CDH13: variants seen among roughly 807,000 people sequenced by gnomAD.
CDH13 encodes cadherin-13.
CDH13 carries 24 observed loss-of-function variants against 63.8 expected under a neutral mutation model. The observed-to-expected ratio is 0.38, with a 90% CI of 0.27 to 0.53. The LOEUF (loss-of-function observed/expected upper bound fraction) is 0.53. CDH13 is among the 20% of genes least tolerant of loss of function. The pLI is 0.85. For synonymous variants in CDH13, 503 were observed against 355.3 expected (o/e 1.42, Z -4.67); for missense variants, 1,049 against 903.1 (o/e 1.16, Z -2.07).
At chr16:82,701,503 A>T (rs2031017607) in intron 1 of CDH13, among the ~76,000 whole-genome samples, 1 of 152,192 alleles carries the variant, frequency 6.6e-6, no homozygotes, top group Admixed American at 6.5e-5. Context: ...TGTTTAGTAG[A>T]TTGCACAACT....
chr16:83,670,543 G>A (rs531726728), intron 8 of CDH13, among the ~76,000 whole-genome samples: 1 of 152,272 alleles, frequency 6.6e-6, no homozygotes, highest in South Asian at 2.1e-4. Context: ...CCACCACAGA[G>A]CAGCACAGCA....
At chr16:83,604,829 A>G (rs1329254743) in intron 8 of CDH13, among the ~76,000 whole-genome samples, 2 of 152,234 alleles carry the variant, frequency 1.3e-5, no homozygotes, top group Admixed American at 6.5e-5. Flanking sequence ...TGTGAGATTA[A>G]TTAGTTACTT....
At chr16:83,633,287 T>G (rs1419503270) in intron 8 of CDH13, among the ~76,000 whole-genome samples, 1 of 152,210 alleles carries the variant, frequency 6.6e-6, no homozygotes, top group East Asian at 1.9e-4. Flanking sequence ...TGACAGATAC[T>G]GCATCCATGA....
intron 5 of CDH13, among the ~76,000 whole-genome samples, chr16:83,292,347 C>T (rs2089485285): frequency 6.6e-6 from 1 of 152,126 alleles, no homozygotes; most frequent in Admixed American, 6.5e-5. Context: ...TCTGGGCCTC[C>T]CTGTCCTCTG....
chr16:83,136,807 G>A (rs1236826141), intron 4 of CDH13, among the ~76,000 whole-genome samples: 1 of 152,154 alleles, frequency 6.6e-6, no homozygotes, highest in East Asian at 1.9e-4. Flanking sequence ...CAGATTCGTA[G>A]GAGTGGTCTG....
intron 3 of CDH13, among the ~76,000 whole-genome samples, chr16:83,049,578 G>C (rs138097870): frequency 1.3e-5 from 2 of 151,878 alleles, no homozygotes; most frequent in South Asian, 2.1e-4. Flanking sequence ...CTCGTGATCC[G>C]CCTGCCTCAG....
intron 1 of CDH13, among the ~76,000 whole-genome samples, chr16:82,711,785 A>T (rs2057870457): frequency 6.6e-6 from 1 of 152,244 alleles, no homozygotes; most frequent in Non-Finnish European, 1.5e-5. Context: ...GGTGATAAGG[A>T]CAACCGGTGA....
intron 8 of CDH13, among the ~76,000 whole-genome samples, chr16:83,668,626 G>A (rs1169210425): frequency 6.6e-6 from 1 of 152,232 alleles, no homozygotes; most frequent in Non-Finnish European, 1.5e-5. Flanking sequence ...CGCAGCAAGA[G>A]GGTGAAGGAA....
At chr16:82,813,544 C>G (rs1428636343) in intron 1 of CDH13, among the ~76,000 whole-genome samples, 1 of 152,074 alleles carries the variant, frequency 6.6e-6, no homozygotes, top group Non-Finnish European at 1.5e-5. Context: ...TATGAGCTAC[C>G]TGGGGTTAAG....
intron 2 of CDH13, among the ~76,000 whole-genome samples, chr16:82,901,703 A>G (rs1433980529): frequency 1.3e-5 from 2 of 152,212 alleles, no homozygotes; most frequent in East Asian, 3.8e-4. Context: ...GGGCTGCGGC[A>G]TGTGCTAGGT....
chr16:83,446,046 C>T (rs888340466), intron 6 of CDH13, among the ~76,000 whole-genome samples: 3 of 152,016 alleles, frequency 2.0e-5, no homozygotes, highest in African/African-American at 7.3e-5. Context: ...GGTCTGTAAT[C>T]CCAGCACTTT....
At position 83,059,984 on chromosome 16, in the gene CDH13, C is replaced by T. The variant is rs185530140; in HGVS notation, c.366+27766C>T. ...AATATTTTTGTATTTAGAGTAGAGACGGGGTTTCACCGTGTTAGCCAGGGT... is the reference window on the plus strand; with the variant it reads ...AATATTTTTGTATTTAGAGTAGAGATGGGGTTTCACCGTGTTAGCCAGGGT... On this transcript the variant is annotated intron_variant, in intron 3 of 13. Transcript: ENST00000567109. 8.6e-5 allele frequency among the ~76,000 whole-genome samples: 13 copies of T among 151,746 alleles called. No homozygotes were observed. The East Asian group carries it at 2.3e-3, about 27-fold the overall frequency.
chr16:83,546,337 G>A (rs1164744357), intron 7 of CDH13, among the ~76,000 whole-genome samples: 1 of 151,968 alleles, frequency 6.6e-6, no homozygotes, highest in Non-Finnish European at 1.5e-5. Context: ...GCAGCAGATA[G>A]CCACAGGTGA....
At chr16:82,940,582 C>T (rs949943071) in intron 2 of CDH13, among the ~76,000 whole-genome samples, 2 of 152,178 alleles carry the variant, frequency 1.3e-5, no homozygotes, top group African/African-American at 2.4e-5. Flanking sequence ...CTGGATTCTT[C>T]TTACCTGCTT....
intron 3 of CDH13, among the ~76,000 whole-genome samples, chr16:83,069,261 A>G (rs1166372604): frequency 6.6e-6 from 1 of 152,186 alleles, no homozygotes; most frequent in African/African-American, 2.4e-5. Flanking sequence ...TCTAACACCA[A>G]TCAGTATTCA....
At chr16:83,313,674 C>T (rs868528830) in intron 5 of CDH13, among the ~76,000 whole-genome samples, 1 of 148,750 alleles carries the variant, frequency 6.7e-6, no homozygotes. Flanking sequence ...AAAGGGAGGT[C>T]CTTGGTATTA....
chr16:82,630,919 T>C (rs918065042), intron 1 of CDH13, among the ~76,000 whole-genome samples: 10 of 152,216 alleles, frequency 6.6e-5, no homozygotes, highest in African/African-American at 2.4e-4. Flanking sequence ...ATCCACAGCA[T>C]TACAAAATTC....
At chr16:82,881,864 C>G (rs1352852315) in intron 2 of CDH13, among the ~76,000 whole-genome samples, 1 of 152,102 alleles carries the variant, frequency 6.6e-6, no homozygotes, top group Non-Finnish European at 1.5e-5. Context: ...CTTTCCAGAG[C>G]TCACCCCTTT....
intron 4 of CDH13, among the ~76,000 whole-genome samples, chr16:83,168,971 C>A (rs1240376481): frequency 1.3e-5 from 2 of 152,174 alleles, no homozygotes; most frequent in East Asian, 3.9e-4. Context: ...CTGTGAGGAC[C>A]ATTCAGGTAC....
Sources: gnomAD v4.1 joint callset for allele counts (sites outside exome capture counted in the v4.1 genomes callset) on GRCh38, gnomAD v4.1.1 for gene constraint, MANE v1.5 for transcripts, NCBI Gene and HGNC (gene_info 2026-07-23, HGNC 2026-07-21) for gene names.